Variants in MLIP observed in about 807,000 individuals in gnomAD.
The protein encoded by MLIP is muscular LMNA-interacting protein.
Under a neutral mutation model 84.8 loss-of-function variants are expected in MLIP, and 79 were observed. The ratio of observed to expected loss-of-function variants is 0.93; its 90% confidence interval spans 0.78 to 1.12. The LOEUF is 1.12. MLIP is among the 50% of genes most tolerant of loss of function. The pLI is 0.00. For missense variants in MLIP, 1,257 were observed against 1,160.6 expected (o/e 1.08, Z -1.21); for synonymous variants, 504 against 463.0 (o/e 1.09, Z -1.14).
At chr6:54,124,013 A>G (rs1346546365) in intron 2 of MLIP, among the ~76,000 whole-genome samples, 1 of 152,062 alleles carries the variant, frequency 6.6e-6, no homozygotes, top group Admixed American at 6.5e-5. Flanking sequence ...GCCCAATTTT[A>G]TTTTTCCTTT....
intron 8 of MLIP, among the ~76,000 whole-genome samples, chr6:54,166,594 A>G (rs182016679): frequency 1.3e-5 from 2 of 151,708 alleles, no homozygotes; most frequent in Admixed American, 1.3e-4. Flanking sequence ...TTTTATTATC[A>G]TTTCTTAGTC....
rs570220676 is a variant in MLIP, at chr6:54,138,165, C to A, written c.2096C>A (p.Thr699Asn). ...AGACTTGGGAAATCTGAAAGCACCA[C>A]CCCCAACCACAGGTCACCTGTTTCA... ...PSRLGKSEST[T>N]PNHRSPVSTP... The change falls in exon 4 of 14, where the codon ACC becomes AAC. Residue 699 changes from threonine to asparagine, a missense_variant. By Grantham distance (65) the Thr-to-Asn change is moderately conservative. Transcript: ENST00000502396. The A allele has an allele frequency of 1.3e-5, 20 of 1,536,122 alleles. No individual in the cohort carries two copies. In the South Asian group the frequency reaches 1.4e-4, roughly 11 times the overall value.
At chr6:54,241,066 A>G (rs568434864) in intron 12 of MLIP, among the ~76,000 whole-genome samples, 1 of 152,226 alleles carries the variant, frequency 6.6e-6, no homozygotes, top group African/African-American at 2.4e-5. Context: ...GGGCGACCTC[A>G]AAGTTTTTAC....
chr6:54,054,196 A>G (rs1220116075), intron 1 of MLIP, among the ~76,000 whole-genome samples: 3 of 152,184 alleles, frequency 2.0e-5, no homozygotes, highest in Non-Finnish European at 4.4e-5. Context: ...GCGCTCTCAC[A>G]AGAATTTACA....
intron 12 of MLIP, among the ~76,000 whole-genome samples, chr6:54,253,098 T>C (rs192129811): frequency 3.3e-5 from 5 of 152,158 alleles, no homozygotes; most frequent in African/African-American, 1.2e-4. Context: ...ACAGAACAAC[T>C]AACAACGAGT....
chr6:54,251,669 A>G (rs1293546614), intron 12 of MLIP, among the ~76,000 whole-genome samples: 1 of 106,654 alleles, frequency 9.4e-6, no homozygotes, highest in African/African-American at 4.3e-5. Flanking sequence ...ATAAATATAT[A>G]TTATAACATA....
chr6:54,260,368 C>G (rs2150903017), intron 13 of MLIP, among the ~76,000 whole-genome samples: 1 of 152,038 alleles, frequency 6.6e-6, no homozygotes, highest in South Asian at 2.1e-4. Context: ...TTGAAACACA[C>G]CAATGATAAA....
intron 12 of MLIP, among the ~76,000 whole-genome samples, chr6:54,244,148 G>T (rs2150845459): frequency 6.6e-6 from 1 of 152,202 alleles, no homozygotes; most frequent in South Asian, 2.1e-4. Flanking sequence ...TAATGTTTAT[G>T]TTCTAACTTT....
chr6:54,177,712 A>G (rs1776435478), intron 9 of MLIP, among the ~76,000 whole-genome samples: 1 of 152,232 alleles, frequency 6.6e-6, no homozygotes. Flanking sequence ...CCAAAGGAAT[A>G]TAAGTCATTC....
intron 4 of MLIP, among the ~76,000 whole-genome samples, chr6:54,139,851 C>T (rs1323463233): frequency 2.0e-5 from 3 of 152,018 alleles, no homozygotes; most frequent in Non-Finnish European, 4.4e-5. Flanking sequence ...CTTTACAATT[C>T]TCATGAAGAA....
At chr6:54,022,159 A>G (rs1165801237) in intron 1 of MLIP, among the ~76,000 whole-genome samples, 1 of 152,188 alleles carries the variant, frequency 6.6e-6, no homozygotes, top group Non-Finnish European at 1.5e-5. Context: ...CCCAAAATGT[A>G]GTTCTGGTTT....
Position 54,066,477 on chromosome 6 carries a change from A to ATG in MLIP, c.63+47396_63+47397dup, listed in dbSNP as rs1223329432. 3.0e-5 allele frequency among the ~76,000 whole-genome samples: 3 copies of ATG among 99,510 alleles called. 1 individual carries two copies. The East Asian group carries it at 8.1e-4, about 27-fold the overall frequency. The allele number at this position is 99,510 out of a possible 152,430, so 65.3% of individuals were successfully genotyped here. A position where few individuals can be genotyped will look rare whatever the true frequency, so the allele number is the denominator to read the frequency against. ...ATTTGGGAAAGAAATTCTAAGCAGT[A>ATG]TGTGTGTGTGTCTGTGTGTCGGTGT... On this transcript the variant is annotated intron_variant, in intron 1 of 12. Transcript: ENST00000274897.
intron 1 of MLIP, among the ~76,000 whole-genome samples, chr6:54,071,066 G>A (rs940837152): frequency 9.2e-5 from 14 of 152,086 alleles, no homozygotes; most frequent in Admixed American, 5.9e-4. Context: ...TAAGACCCAC[G>A]TCTATATAAT....
rs1423452297 is a variant in MLIP, at chr6:54,124,763, G to A, written c.543G>A (p.Leu181=). 1 of 1,614,182 alleles carries A rather than the reference G, an allele frequency of 6.2e-7. No individual in the cohort carries two copies. Among genetic ancestry groups the A allele is most frequent in the Admixed American group, 1.7e-5 (1 of 60,028 alleles). Residue 181 remains leucine (L), a synonymous_variant, in exon 3 of 14, where the codon CTG becomes CTA. Coordinates refer to ENST00000502396, the MANE Select transcript of MLIP (RefSeq NM_001281747.2). ...AGTCTCTAGCTATCTCGTCCAGTCT[G>A]GTCTCTGATGTAGTGCGTCCCAAAA... The part of the protein sequence containing the change: ...RPKSLAISSS[L]VSDVVRPKTQ...
intron 11 of MLIP, among the ~76,000 whole-genome samples, chr6:54,225,682 G>A (rs554654634): frequency 6.6e-6 from 1 of 152,282 alleles, no homozygotes; most frequent in Admixed American, 6.5e-5. Context: ...AGAGTGCTGT[G>A]TCCTCACCAA....
At chr6:54,136,586 C>A in intron 3 of MLIP, 129 bp from the exon 4 acceptor site, 1 of 867,730 alleles carries the variant, frequency 1.2e-6, no homozygotes, top group Non-Finnish European at 1.6e-6. Context: ...GAATTTCCTT[C>A]ATTTTTGTGG....
chr6:54,028,983 G>T (rs1297069386), intron 1 of MLIP: 1 of 151,934 alleles, frequency 6.6e-6, no homozygotes, highest in African/African-American at 2.4e-5. Context: ...TTTTCTCTTT[G>T]CCAGGTCTCT....
intron 12 of MLIP, among the ~76,000 whole-genome samples, chr6:54,232,274 CA>C (rs1781056848): frequency 6.6e-6 from 1 of 152,048 alleles, no homozygotes; most frequent in African/African-American, 2.4e-5. Flanking sequence ...ATTTAATTTA[CA>C]GATATCCGTT....
intron 11 of MLIP, among the ~76,000 whole-genome samples, chr6:54,225,094 G>A (rs753160941): frequency 6.6e-6 from 1 of 152,048 alleles, no homozygotes; most frequent in Non-Finnish European, 1.5e-5. Flanking sequence ...TTTTCCTCTG[G>A]GTAGATACCC....
Sources: gnomAD v4.1 joint callset for allele counts (sites outside exome capture counted in the v4.1 genomes callset) on GRCh38, gnomAD v4.1.1 for gene constraint, MANE v1.5 for transcripts, NCBI Gene and HGNC (gene_info 2026-07-23, HGNC 2026-07-21) for gene names.